SAC3D1: variants seen among roughly 807,000 people sequenced by gnomAD.
SAC3D1 encodes the protein SAC3 domain containing 1, also known as SAC3 domain-containing protein 1.
SAC3D1 carries 10 observed loss-of-function variants against 12.7 expected under a neutral mutation model. That is an observed-to-expected ratio of 0.79 (90% CI 0.49 to 1.34). SAC3D1 has a LOEUF of 1.34. Among genes scored for constraint, SAC3D1 ranks in the 40% most tolerant of loss-of-function variants. The pLI, the probability that SAC3D1 is intolerant of heterozygous loss-of-function variation, is 0.00. For synonymous variants in SAC3D1, 241 were observed against 250.8 expected (o/e 0.96, Z 0.37); for missense variants, 482 against 531.1 (o/e 0.91, Z 0.91).
chr11:65,040,977 T>C (rs1192423089), upstream of SAC3D1: 1 of 442,208 alleles, frequency 2.3e-6, no homozygotes. Flanking sequence ...TTAAAAACAC[T>C]AAGGGGAGCG....
chr11:65,042,715 G>C (rs1946631805), intron 1 of SAC3D1, among the ~76,000 whole-genome samples: 1 of 151,876 alleles, frequency 6.6e-6, no homozygotes, highest in African/African-American at 2.4e-5. Context: ...CTAGTGTTTG[G>C]ATATTTAGTA....
chr11:65,041,194 G>C (rs1946586362), upstream of SAC3D1: 3 of 1,153,840 alleles, frequency 2.6e-6, no homozygotes, highest in South Asian at 4.9e-5. Flanking sequence ...GCCCCGCCCC[G>C]ACCCGCCGCT....
rs1345456550 is a variant in SAC3D1, at chr11:65,044,150, C to T, written c.575-75C>T. ...GGCGTGGTCGAGGAGAGAGGAAGGA[C>T]AGGGTGTTGGGAGGGGAGATGAGCC... On this transcript the variant is annotated intron_variant, in intron 1 of 1. Coordinates refer to ENST00000652489, the MANE Select transcript of SAC3D1 (RefSeq NM_013299.4). This position sits in a 1 kb window ranked among gnomAD's most constrained non-coding sequence, Gnocchi z 4.0. 1.3e-6 allele frequency: 2 copies of T among 1,520,488 alleles called. No homozygotes were observed. Among genetic ancestry groups the T allele is most frequent in the African/African-American group, 1.4e-5 (1 of 72,738 alleles). 94.2% of individuals were successfully genotyped at this position (1,520,488 alleles called of 1,614,324 possible). A position where few individuals can be genotyped will look rare whatever the true frequency, so the allele number is the denominator to read the frequency against.
At chr11:65,041,009 C>T (rs1042382502), upstream of SAC3D1, 4 of 506,846 alleles carry the variant, frequency 7.9e-6, no homozygotes, top group Non-Finnish European at 1.4e-5. Flanking sequence ...ACTTGGCGCT[C>T]GATGGGGGCC....
In SAC3D1 at chr11:65,041,267, G is replaced by C; in HGVS notation, c.-26G>C. ...CACTGCCGTCCCCGGGATGCTGAGC[G>C]CCCACCGTCTCCCCGCAGCCCCCTC... On this transcript the variant is annotated 5_prime_UTR_variant, in exon 1 of 2. Coordinates refer to ENST00000652489, the MANE Select transcript of SAC3D1 (RefSeq NM_013299.4). 6.7e-7 allele frequency: 1 copy of C among 1,488,390 alleles called. No individual in the cohort carries two copies. The highest frequency in any genetic ancestry group is 8.9e-7 in the Non-Finnish European group (1 of 1,127,000). 92.2% of individuals were successfully genotyped at this position (1,488,390 alleles called of 1,614,324 possible).
chr11:65,041,807 G>GCGCCGGGC lies in SAC3D1; in HGVS notation c.519_526dup (p.His176ProfsTer47), dbSNP rs1478914942. Reference sequence around the variant, plus strand: ...TCGCTGCGGCGCTGCTACGCGCGGGGCGCCGGGCCGCACCCCCGCCAACCC... The same window carrying GCGCCGGGC: ...TCGCTGCGGCGCTGCTACGCGCGGGGCGCCGGGCCGCCGGGCCGCACCCCCGCCAACCC... On this transcript the variant is annotated frameshift_variant, in exon 1 of 2. Coordinates refer to ENST00000652489, the MANE Select transcript of SAC3D1 (RefSeq NM_013299.4). LOFTEE classifies it high-confidence loss of function. 14 of 1,464,346 alleles carry GCGCCGGGC rather than the reference G, an allele frequency of 9.6e-6. No individual in the cohort carries two copies. Among genetic ancestry groups the GCGCCGGGC allele is most frequent in the Non-Finnish European group, 1.3e-5 (14 of 1,114,770 alleles). 90.7% of individuals were successfully genotyped at this position (1,464,346 alleles called of 1,614,324 possible).
At chr11:65,041,167 G>A, upstream of SAC3D1, 1 of 930,140 alleles carries the variant, frequency 1.1e-6, no homozygotes, top group Admixed American at 3.1e-5. Flanking sequence ...GCGGGAAGGC[G>A]GGCCCAGACA....
chr11:65,043,373 C>T (rs114351438), intron 1 of SAC3D1, among the ~76,000 whole-genome samples: 3,939 of 151,942 alleles, frequency 0.026, 153 homozygotes, highest in African/African-American at 0.088. Context: ...GTGATCCTAC[C>T]GCGTTGGCCT....
Position 65,044,109 on chromosome 11 carries a change from CT to C in SAC3D1, c.575-115del, listed in dbSNP as rs1946664187. ...CCTTAGAGGGGAGAGGGAAGTTGGGCTAGGCCTAGAGAAGGGGCGTGGTCGA... is the reference window on the plus strand; with the variant it reads ...CCTTAGAGGGGAGAGGGAAGTTGGGCAGGCCTAGAGAAGGGGCGTGGTCGA... On this transcript the variant is annotated intron_variant, in intron 1 of 1. Transcript: ENST00000652489. The surrounding 1 kb of genome is among the most constrained non-coding windows in gnomAD (Gnocchi z 4.0). 2.5e-5 allele frequency: 31 copies of C among 1,261,266 alleles called. No homozygotes were observed. Among genetic ancestry groups the C allele is most frequent in the Non-Finnish European group, 3.3e-5 (30 of 902,932 alleles). 78.1% of individuals were successfully genotyped at this position (1,261,266 alleles called of 1,614,324 possible). A position where few individuals can be genotyped will look rare whatever the true frequency, so the allele number is the denominator to read the frequency against.
rs1488333289 is a variant in SAC3D1, at chr11:65,044,021, A to T, written c.575-204A>T. Among the ~76,000 whole-genome samples, 1 of 152,240 alleles carries T rather than the reference A, an allele frequency of 6.6e-6. No individual in the cohort carries two copies. The highest frequency in any genetic ancestry group is 1.5e-5 in the Non-Finnish European group (1 of 68,042). Reference sequence around the variant, plus strand: ...TGTTGTAAGTAAGGATCTGGACTGCAGGAAGTCAAGAGCCTGAGGCCACTC... The same window carrying T: ...TGTTGTAAGTAAGGATCTGGACTGCTGGAAGTCAAGAGCCTGAGGCCACTC... On this transcript the variant is annotated intron_variant, in intron 1 of 1. Transcript: ENST00000652489. The surrounding 1 kb of genome is among the most constrained non-coding windows in gnomAD (Gnocchi z 4.0).
chr11:65,041,995 A>C, intron 1 of SAC3D1, 129 bp downstream of exon 1: 11 of 1,204,630 alleles, frequency 9.1e-6, no homozygotes, highest in Non-Finnish European at 1.0e-5. Context: ...CACAAGATCC[A>C]CCGAGCCCCG....
rs779228786 is a variant in SAC3D1 at position 65,041,587 on chromosome 11, A to G, written c.295A>G (p.Ser99Gly). 6.8e-7 allele frequency: 1 copy of G among 1,476,960 alleles called. No homozygotes were observed. Among genetic ancestry groups the G allele is most frequent in the Non-Finnish European group, 8.9e-7 (1 of 1,119,630 alleles). 91.5% of individuals were successfully genotyped at this position (1,476,960 alleles called of 1,614,324 possible). A position where few individuals can be genotyped will look rare whatever the true frequency, so the allele number is the denominator to read the frequency against. ...CGACATCGCCCGCGCCGAGGTGGCC[A>G]GCTTCGTGGCAGACCGCTTGCGAGC... ...SADIARAEVA[S>G]FVADRLRAVL... Residue 99 changes from serine to glycine, a missense_variant, in exon 1 of 2, where the codon AGC (serine) becomes GGC (glycine). Around this residue, in one of 3 missense-constraint regions of SAC3D1, gnomAD observed 197 missense variants for 183.2 expected, o/e 1.08. Coordinates refer to ENST00000652489, the MANE Select transcript of SAC3D1 (RefSeq NM_013299.4).
rs1334779803 is a variant in SAC3D1, at chr11:65,041,355, C to T, written c.63C>T (p.Ala21=). 2 of 1,509,770 alleles carry T rather than the reference C, an allele frequency of 1.3e-6. No individual in the cohort carries two copies. The highest frequency in any genetic ancestry group is 4.1e-5 in the Admixed American group (2 of 48,914). 93.5% of individuals were successfully genotyped at this position (1,509,770 alleles called of 1,614,324 possible). The change falls in exon 1 of 2, where the codon GCC becomes GCT. Residue 21 remains alanine (A), a synonymous_variant. Transcript: ENST00000652489. ...ACATGTGCCCGGCCGCCGAGCGCGC[C>T]CAGCGCGAAAGGGAGCACCGCCTGC... ...CPDMCPAAER[A]QREREHRLHR...
chr11:65,042,198 A>G (rs1251353616), intron 1 of SAC3D1, among the ~76,000 whole-genome samples: 1 of 149,942 alleles, frequency 6.7e-6, no homozygotes, highest in African/African-American at 2.5e-5. Flanking sequence ...CCCTGGGTCA[A>G]GCGATTCTTC....
intron 1 of SAC3D1, 89 bp downstream of exon 1, chr11:65,041,955 C>T (rs1946613838): frequency 2.3e-6 from 3 of 1,277,294 alleles, no homozygotes; most frequent in Non-Finnish European, 2.0e-6. Context: ...TTAGCTTTAA[C>T]ATCTCACCAT....
In SAC3D1 at chr11:65,041,808, C is replaced by A. The variant is rs755838630; in HGVS notation, c.516C>A (p.Gly172=). 2.0e-6 allele frequency: 3 copies of A among 1,463,842 alleles called. No homozygotes were observed. The South Asian group carries it at 3.9e-5, about 19-fold the overall frequency. 90.7% of individuals were successfully genotyped at this position (1,463,842 alleles called of 1,614,324 possible). ...FGSLRRCYAR[G]AGPHPRQPAF... is the part of the protein sequence containing the mutation. ...CGCTGCGGCGCTGCTACGCGCGGGG[C>A]GCCGGGCCGCACCCCCGCCAACCCG... The change falls in exon 1 of 2, where the codon GGC becomes GGA. Residue 172 remains glycine, a synonymous_variant. Coordinates refer to ENST00000652489, the MANE Select transcript of SAC3D1 (RefSeq NM_013299.4).
At chr11:65,042,193 G>A (rs1009398498) in intron 1 of SAC3D1, among the ~76,000 whole-genome samples, 1 of 151,942 alleles carries the variant, frequency 6.6e-6, no homozygotes, top group Non-Finnish European at 1.5e-5. Context: ...CGCCTCCCTG[G>A]GTCAAGCGAT....
chr11:65,040,977 T>G (rs1192423089), upstream of SAC3D1: 10 of 442,088 alleles, frequency 2.3e-5, no homozygotes, highest in Non-Finnish European at 4.0e-5. Context: ...TTAAAAACAC[T>G]AAGGGGAGCG....
rs1189261421 is a variant in SAC3D1, at chr11:65,044,247, G to C, written c.597G>C (p.Glu199Asp). 13 of 1,612,844 alleles carry C rather than the reference G, an allele frequency of 8.1e-6. No individual in the cohort carries two copies. The highest frequency in any genetic ancestry group is 1.1e-5 in the Non-Finnish European group (13 of 1,179,910). The change falls in exon 2 of 2, where the codon GAG becomes GAC. Residue 199 changes from glutamate (E) to aspartate (D), a missense_variant. By Grantham distance (45) the Glu-to-Asp change is conservative (BLOSUM62 2). Coordinates refer to ENST00000652489, the MANE Select transcript of SAC3D1 (RefSeq NM_013299.4). The surrounding 1 kb of genome is among the most constrained non-coding windows in gnomAD (Gnocchi z 4.0). Reference sequence around the variant, plus strand: ...CAGGCTCGGTGGAAGCCCTGCATGAGGTTCTACAGCTGCCTGCTGCCCTGC... The same window carrying C: ...CAGGCTCGGTGGAAGCCCTGCATGACGTTCTACAGCTGCCTGCTGCCCTGC... ...YNLGSVEALH[E>D]VLQLPAALRA...
Sources: allele counts gnomAD v4.1 joint callset (sites outside exome capture counted in the v4.1 genomes callset), GRCh38; gene constraint gnomAD v4.1.1; regional missense constraint gnomAD v4.1.1; non-coding constraint Gnocchi (gnomAD v3.1); transcripts MANE v1.5; gene names NCBI Gene and HGNC (gene_info 2026-07-23, HGNC 2026-07-21).